The following ANKRD44 variants were observed in gnomAD, a reference collection of about 807,000 sequenced individuals.
ANKRD44 encodes serine/threonine-protein phosphatase 6 regulatory ankyrin repeat subunit B.
A neutral mutation model predicts 116.0 loss-of-function variants in ANKRD44; 35 were observed. That is an observed-to-expected ratio of 0.30 (90% CI 0.23 to 0.40). The LOEUF (loss-of-function observed/expected upper bound fraction) is 0.40, where lower values mean the gene tolerates loss of function less well. ANKRD44 is among the 10% of genes least tolerant of loss of function. The probability of loss-of-function intolerance (pLI) is 1.00; values close to 1 mark genes in which losing one functional copy is unlikely to be tolerated. For synonymous variants in ANKRD44, 435 were observed against 461.8 expected (o/e 0.94, Z 0.74); for missense variants, 1,014 against 1,242.6 (o/e 0.82, Z 2.77).
chr2:197,174,653 T>C (rs1374612762), intron 2 of ANKRD44, among the ~76,000 whole-genome samples: 1 of 151,862 alleles, frequency 6.6e-6, no homozygotes, highest in Non-Finnish European at 1.5e-5. Flanking sequence ...GTCAGGGAGA[T>C]TAAAAGAGGC....
At chr2:197,006,966 A>G (rs2076213048) in intron 20 of ANKRD44, among the ~76,000 whole-genome samples, 1 of 152,126 alleles carries the variant, frequency 6.6e-6, no homozygotes, top group Non-Finnish European at 1.5e-5. Flanking sequence ...TTAGCTGGGC[A>G]TGCTGGCATG....
chr2:197,290,363 AT>A (rs1321484960), intron 1 of ANKRD44, among the ~76,000 whole-genome samples: 1 of 151,844 alleles, frequency 6.6e-6, no homozygotes, highest in Non-Finnish European at 1.5e-5. Flanking sequence ...GATGTTGAGC[AT>A]TTTTTCATAT....
chr2:197,194,337 T>C (rs75601454), intron 1 of ANKRD44, among the ~76,000 whole-genome samples: 2,483 of 152,328 alleles, frequency 0.016, 69 homozygotes, highest in African/African-American at 0.053. Context: ...AATCAAAAGG[T>C]AACTGCATAT....
chr2:197,259,563 C>G (rs1157219429), intron 1 of ANKRD44, among the ~76,000 whole-genome samples: 2 of 152,144 alleles, frequency 1.3e-5, no homozygotes, highest in African/African-American at 4.8e-5. Context: ...CTTAGGCTGC[C>G]TGAGAAAACT....
At chr2:197,109,346 A>G (rs1423583940) in intron 9 of ANKRD44, among the ~76,000 whole-genome samples, 1 of 152,208 alleles carries the variant, frequency 6.6e-6, no homozygotes, top group Non-Finnish European at 1.5e-5. Context: ...ATGAATGTCA[A>G]AGGCATAGCA....
chr2:197,259,581 C>G (rs1455240365), intron 1 of ANKRD44, among the ~76,000 whole-genome samples: 1 of 152,128 alleles, frequency 6.6e-6, no homozygotes, highest in Non-Finnish European at 1.5e-5. Flanking sequence ...ACTTCACTTT[C>G]AAATCTTTTC....
chr2:197,310,547 C>A lies in ANKRD44; in HGVS notation c.27+31G>T, dbSNP rs1377109564. ...GGCTCCGCGCCGCCCCGCGCCCGCG[C>A]GTCCCGCCCGCCGGCGCCGCCGCCC... On this transcript the variant is annotated intron_variant, in intron 1 of 27. Coordinates refer to ENST00000282272, the MANE Select transcript of ANKRD44 (RefSeq NM_001195144.2). The A allele has an allele frequency of 3.5e-6, 4 of 1,126,920 alleles. No homozygotes were observed. In the African/African-American group the frequency reaches 6.7e-5, roughly 19 times the overall value. 69.8% of individuals were successfully genotyped at this position (1,126,920 alleles called of 1,614,324 possible).
rs1450543666 is a variant in ANKRD44 at position 197,158,982 on chromosome 2, CAA to C, written c.112-11879_112-11878del. Among the ~76,000 whole-genome samples the C allele has an allele frequency of 2.8e-4, 15 of 52,950 alleles. No homozygotes were observed. In the East Asian group the frequency reaches 5.3e-3, roughly 19 times the overall value. The allele number at this position is 52,950 out of a possible 152,430, so 34.7% of individuals were successfully genotyped here. A position where few individuals can be genotyped will look rare whatever the true frequency, so the allele number is the denominator to read the frequency against. ...AACACACCCATCAGCAAAGAGCAAA[CAA>C]ACACACACACACACACACACACATA... On this transcript the variant is annotated intron_variant, in intron 2 of 27. Transcript: ENST00000282272.
intron 1 of ANKRD44, among the ~76,000 whole-genome samples, chr2:197,272,422 G>A (rs2082924183): frequency 6.6e-6 from 1 of 152,128 alleles, no homozygotes; most frequent in South Asian, 2.1e-4. Flanking sequence ...ACTTTTAGTA[G>A]AGATAGGGTT....
chr2:197,076,092 A>T lies in ANKRD44; in HGVS notation c.1650+2611T>A, dbSNP rs76643370. On this transcript the variant is annotated intron_variant, in intron 16 of 27. Transcript: ENST00000282272. ...CATTTACTCTCTCCATTCCCTCCACAGGCCAGAAGCATAGGCTGGGATGGT... is the reference window on the plus strand; with the variant it reads ...CATTTACTCTCTCCATTCCCTCCACTGGCCAGAAGCATAGGCTGGGATGGT... 2.4e-3 allele frequency among the ~76,000 whole-genome samples: 367 copies of T among 152,292 alleles called. 8 individuals carry two copies. In the East Asian group the frequency reaches 0.052, roughly 22 times the overall value.
intron 1 of ANKRD44, among the ~76,000 whole-genome samples, chr2:197,256,651 C>T (rs114387224): frequency 0.024 from 3,711 of 152,272 alleles, 132 homozygotes; most frequent in African/African-American, 0.082. Context: ...CCCAAGAAGG[C>T]TTCATGTATA....
chr2:197,113,096 C>T (rs1305376576), intron 8 of ANKRD44, among the ~76,000 whole-genome samples: 1 of 151,964 alleles, frequency 6.6e-6, no homozygotes, highest in Non-Finnish European at 1.5e-5. Flanking sequence ...TGAATCAGAA[C>T]AGACTGAGAA....
intron 1 of ANKRD44, among the ~76,000 whole-genome samples, chr2:197,200,771 A>T (rs972923445): frequency 5.9e-5 from 9 of 152,226 alleles, no homozygotes; most frequent in Admixed American, 1.3e-4. Context: ...AAGTGACTGG[A>T]ATTTAGCAAC....
Position 197,202,549 on chromosome 2 carries a change from G to C in ANKRD44, c.28-15443C>G, listed in dbSNP as rs1233703324. Among the ~76,000 whole-genome samples, 3 of 152,200 alleles carry C rather than the reference G, an allele frequency of 2.0e-5. No individual in the cohort carries two copies. In the South Asian group the frequency reaches 6.2e-4, roughly 32 times the overall value. On this transcript the variant is annotated intron_variant, in intron 1 of 27. Coordinates refer to ENST00000282272, the MANE Select transcript of ANKRD44 (RefSeq NM_001195144.2). ...ACTGGTCAGAGTAGTGGACAATTTC[G>C]TGCAGATCTTACAGGCCTCTTTTTT...
At position 197,082,005 on chromosome 2, in the gene ANKRD44, C is replaced by G. The variant is rs2077809248; in HGVS notation, c.1458-280G>C. Among the ~76,000 whole-genome samples the G allele has an allele frequency of 2.6e-5, 4 of 152,270 alleles. No homozygotes were observed. The South Asian group carries it at 8.3e-4, about 32-fold the overall frequency. ...AGTTGCCCACCCTTCTATAAACATC[C>G]TAAACTTCCCAAGTAAAGAAGTGAG... On this transcript the variant is annotated intron_variant, in intron 14 of 27. Coordinates refer to ENST00000282272, the MANE Select transcript of ANKRD44 (RefSeq NM_001195144.2).
intron 1 of ANKRD44, among the ~76,000 whole-genome samples, chr2:197,264,457 T>C (rs931210464): frequency 6.6e-6 from 1 of 152,268 alleles, no homozygotes; most frequent in Non-Finnish European, 1.5e-5. Context: ...TTGAAAGGAA[T>C]TTCCCAGCAT....
At chr2:197,217,212 T>A (rs946032511) in intron 1 of ANKRD44, among the ~76,000 whole-genome samples, 9 of 152,192 alleles carry the variant, frequency 5.9e-5, no homozygotes, top group African/African-American at 2.2e-4. Context: ...TATTTACTGA[T>A]GCATTGTGTT....
intron 3 of ANKRD44, 44 bp from the exon 4 acceptor site, chr2:197,136,706 G>T (rs1366043255): frequency 6.4e-7 from 1 of 1,561,098 alleles, no homozygotes; most frequent in East Asian, 2.2e-5. Flanking sequence ...GGGGTCAAGG[G>T]AAGCCCTGCC....
At chr2:197,013,289 C>A (rs2076331067) in intron 18 of ANKRD44, among the ~76,000 whole-genome samples, 1 of 152,222 alleles carries the variant, frequency 6.6e-6, no homozygotes, top group Non-Finnish European at 1.5e-5. Flanking sequence ...AAGTTCTGAA[C>A]TCTCTTTTGA....
Sources: allele counts gnomAD v4.1 joint callset (sites outside exome capture counted in the v4.1 genomes callset), GRCh38; gene constraint gnomAD v4.1.1; transcripts MANE v1.5; gene names NCBI Gene and HGNC (gene_info 2026-07-23, HGNC 2026-07-21).